Variants in TRPC5 observed in about 807,000 individuals in gnomAD.
TRPC5 encodes the protein short transient receptor potential channel 5.
In TRPC5, 9 loss-of-function variants were observed where a neutral mutation model predicts 56.5. The observed-to-expected ratio is 0.16, with a 90% CI of 0.10 to 0.28. The LOEUF (loss-of-function observed/expected upper bound fraction) is 0.28, where lower values mean the gene tolerates loss of function less well. TRPC5 is among the 10% of genes least tolerant of loss of function. TRPC5 has a pLI of 1.00. For synonymous variants in TRPC5, 282 were observed against 278.5 expected, an observed-to-expected ratio of 1.01 and a Z score of -0.13; for missense variants, 469 against 748.9, an observed-to-expected ratio of 0.63 and a Z score of 4.36.
chrX:111,967,311 T>G (rs1353855648), intron 1 of TRPC5, among the ~76,000 whole-genome samples: 1 of 110,800 alleles, frequency 9.0e-6, no homozygotes, highest in Admixed American at 9.6e-5. Context: ...TACAAACCAC[T>G]GCTCAAGGAA....
At chrX:111,804,032 G>A (rs1261971715) in intron 7 of TRPC5, among the ~76,000 whole-genome samples, 1 of 112,025 alleles carries the variant, frequency 8.9e-6, no homozygotes, top group Non-Finnish European at 1.9e-5. Context: ...TTTGTATAAG[G>A]TGTAAGTAAG....
chrX:111,891,265 G>C (rs1924791551), intron 3 of TRPC5, among the ~76,000 whole-genome samples: 1 of 111,849 alleles, frequency 8.9e-6, no homozygotes, highest in South Asian at 3.7e-4. Context: ...TGGTATTTCT[G>C]TCTTTAGGTC....
intron 4 of TRPC5, 38 bp downstream of exon 4, chrX:111,853,732 A>T: frequency 8.6e-7 from 1 of 1,165,782 alleles, no homozygotes; most frequent in Non-Finnish European, 1.2e-6. Flanking sequence ...CAGGACCATC[A>T]GGCAGTCTGG....
intron 5 of TRPC5, among the ~76,000 whole-genome samples, chrX:111,849,695 C>G (rs1375210566): frequency 1.8e-5 from 2 of 112,098 alleles, no homozygotes; most frequent in African/African-American, 6.5e-5. Context: ...TATTGGATTA[C>G]TGTGTGAGTT....
intron 7 of TRPC5, among the ~76,000 whole-genome samples, chrX:111,807,996 G>A (rs923767045): frequency 6.2e-4 from 67 of 107,995 alleles, no homozygotes; most frequent in Non-Finnish European, 7.5e-4. Flanking sequence ...GTGTGTGCAC[G>A]CGCTGAGCTG....
intron 1 of TRPC5, among the ~76,000 whole-genome samples, chrX:112,049,183 T>G (rs112433542): frequency 0.013 from 1,440 of 111,810 alleles, 26 homozygotes; most frequent in African/African-American, 0.044. Context: ...AAACTGCTCT[T>G]CCTTTGTGAA....
chrX:111,791,495 T>C, intron 7 of TRPC5, among the ~76,000 whole-genome samples: 1 of 112,217 alleles, frequency 8.9e-6, no homozygotes, highest in East Asian at 2.8e-4. Flanking sequence ...ACTCTTTCCA[T>C]AATGAAAGGG....
intron 1 of TRPC5, among the ~76,000 whole-genome samples, chrX:111,992,116 C>T (rs1002579328): frequency 8.9e-6 from 1 of 111,969 alleles, no homozygotes; most frequent in Non-Finnish European, 1.9e-5. Flanking sequence ...CAGTATGATC[C>T]TTTGGCAAGT....
At chrX:111,993,115 T>C (rs902539458) in intron 1 of TRPC5, among the ~76,000 whole-genome samples, 14 of 98,844 alleles carry the variant, frequency 1.4e-4, no homozygotes, top group Non-Finnish European at 2.0e-4. Context: ...AGTGATCTCA[T>C]TGTTCAGTTC....
intron 7 of TRPC5, among the ~76,000 whole-genome samples, chrX:111,825,950 C>T (rs1164443082): frequency 8.9e-6 from 1 of 112,059 alleles, no homozygotes; most frequent in Non-Finnish European, 1.9e-5. Context: ...TGCTCAGACA[C>T]CAAAGGGCAA....
chrX:111,874,695 C>T lies in TRPC5; in HGVS notation c.901-20589G>A, dbSNP rs186527884. ...AAGTGGTGAGAGCCAGGTTTTGAAC[C>T]CAGGTCTATCTGAGTACACCACTAG... On this transcript the variant is annotated intron_variant, in intron 3 of 10. Transcript: ENST00000262839. 4.5e-3 allele frequency among the ~76,000 whole-genome samples: 501 copies of T among 112,136 alleles called. 2 individuals carry two copies. The highest frequency in any genetic ancestry group is 7.1e-3 in the Non-Finnish European group (376 of 53,191).
intron 1 of TRPC5, among the ~76,000 whole-genome samples, chrX:112,052,947 T>TA (rs1376451689): frequency 2.7e-5 from 3 of 112,091 alleles, no homozygotes; most frequent in African/African-American, 9.7e-5. Context: ...TACTCTATTC[T>TA]ATTCCATTGG....
intron 9 of TRPC5, 22 bp from the exon 10 acceptor site, chrX:111,779,096 A>C (rs1945900343): frequency 1.8e-6 from 2 of 1,097,344 alleles, no homozygotes; most frequent in Non-Finnish European, 2.5e-6. Flanking sequence ...AAACATGAAG[A>C]AGCATTCAGT....
At position 111,916,872 on chromosome X, in the gene TRPC5, T is replaced by G. The variant is rs1401410268; in HGVS notation, c.379-4060A>C. Among the ~76,000 whole-genome samples the G allele has an allele frequency of 2.7e-5, 3 of 112,915 alleles. No homozygotes were observed. In the Admixed American group the frequency reaches 2.8e-4, roughly 11 times the overall value. ...ACAAATTTGGCTCCAGTGAACCAGTTTGTGACCTTCGTGCTAGCACATAAG... is the reference window on the plus strand; with the variant it reads ...ACAAATTTGGCTCCAGTGAACCAGTGTGTGACCTTCGTGCTAGCACATAAG... On this transcript the variant is annotated intron_variant, in intron 2 of 10. Transcript: ENST00000262839.
chrX:112,012,237 A>G (rs887746800), intron 1 of TRPC5, among the ~76,000 whole-genome samples: 1 of 111,759 alleles, frequency 8.9e-6, no homozygotes, highest in Non-Finnish European at 1.9e-5. Context: ...TCTTAGGTTG[A>G]ACCACATAAC....
At chrX:112,063,945 C>T (rs113882531) in intron 1 of TRPC5, among the ~76,000 whole-genome samples, 8,591 of 111,271 alleles carry the variant, frequency 0.077, 347 homozygotes, top group Middle Eastern at 0.14. Flanking sequence ...GCGCCCACCA[C>T]CACGTCCGGC....
intron 7 of TRPC5, among the ~76,000 whole-genome samples, chrX:111,824,761 T>C (rs953779716): frequency 1.8e-5 from 2 of 111,939 alleles, no homozygotes; most frequent in African/African-American, 6.5e-5. Context: ...CTACTGTTTT[T>C]GCTTCTCCTC....
chrX:111,944,304 G>GTGTGTGTGTGTGTGAGAA (rs1556592186), intron 2 of TRPC5, among the ~76,000 whole-genome samples: 123 of 70,222 alleles, frequency 1.8e-3, no homozygotes, highest in African/African-American at 7.2e-3. Flanking sequence ...GTGTGTGTGT[G>GTGTGTGTGTGTGTGAGAA]AGAGAGAGAG....
At chrX:111,808,431 AG>A (rs1921595148) in intron 7 of TRPC5, among the ~76,000 whole-genome samples, 1 of 110,556 alleles carries the variant, frequency 9.0e-6, no homozygotes, top group Non-Finnish European at 1.9e-5. Context: ...CCACCACACC[AG>A]GCACATAGCA....
Sources: allele counts gnomAD v4.1 joint callset (sites outside exome capture counted in the v4.1 genomes callset), GRCh38; gene constraint gnomAD v4.1.1; transcripts MANE v1.5; gene names NCBI Gene and HGNC (gene_info 2026-07-23, HGNC 2026-07-21).